The following CREB5 variants were observed in gnomAD, a reference collection of about 807,000 sequenced individuals.
CREB5 encodes the protein cAMP responsive element binding protein 5.
In CREB5, 19 loss-of-function variants were observed where a neutral mutation model predicts 57.1. The observed-to-expected ratio is 0.33, with a 90% CI of 0.23 to 0.49. CREB5 has a LOEUF of 0.49. Among genes scored for constraint, CREB5 ranks in the 20% least tolerant of loss-of-function variants. CREB5 has a pLI of 0.99. For missense variants in CREB5, 579 were observed against 671.6 expected (o/e 0.86, Z 1.52); for synonymous variants, 238 against 238.3 (o/e 1.00, Z 0.01).
At chr7:28,422,670 A>G (rs1181235151) in intron 1 of CREB5, among the ~76,000 whole-genome samples, 2 of 152,218 alleles carry the variant, frequency 1.3e-5, no homozygotes, top group South Asian at 2.1e-4. Context: ...GAATATGATC[A>G]GTTTCATGTG....
intron 7 of CREB5, among the ~76,000 whole-genome samples, chr7:28,725,648 A>T (rs1422813681): frequency 1.7e-4 from 26 of 149,832 alleles, no homozygotes; most frequent in Non-Finnish European, 2.8e-4. Context: ...CTTTTTTTAA[A>T]AAAAAAAAAA....
Position 28,491,213 on chromosome 7 carries a change from G to C in CREB5, c.75+2967G>C, listed in dbSNP as rs1475436764. Reference sequence around the variant, plus strand: ...GAAACAGTTTTTTTAAAAATTAAAGGATAGCCGAGCTGGAGTTTGTCAAGA... The same window carrying C: ...GAAACAGTTTTTTTAAAAATTAAAGCATAGCCGAGCTGGAGTTTGTCAAGA... On this transcript the variant is annotated intron_variant, in intron 2 of 10. Transcript: ENST00000357727. The C allele has an allele frequency of 3.0e-6, 3 of 985,334 alleles. No homozygotes were observed. In the African/African-American group the frequency reaches 5.2e-5, roughly 17 times the overall value. The allele number at this position is 985,334 out of a possible 1,614,324, so 61.0% of individuals were successfully genotyped here.
At chr7:28,534,522 G>T (rs115856140) in intron 4 of CREB5, among the ~76,000 whole-genome samples, 52 of 152,322 alleles carry the variant, frequency 3.4e-4, no homozygotes, top group African/African-American at 1.3e-3. Context: ...TTATTACTGA[G>T]CAAGATGACA....
intron 1 of CREB5, among the ~76,000 whole-genome samples, chr7:28,462,779 T>C (rs1371743185): frequency 2.0e-5 from 3 of 152,182 alleles, no homozygotes; most frequent in East Asian, 1.9e-4. Flanking sequence ...TTTTATTGTT[T>C]AGTTGCAAGA....
intron 7 of CREB5, among the ~76,000 whole-genome samples, chr7:28,742,164 TGAA>T (rs1046865253): frequency 3.3e-5 from 5 of 152,046 alleles, no homozygotes; most frequent in African/African-American, 1.2e-4. Flanking sequence ...TTATTACCAT[TGAA>T]ACCAGAGATG....
At chr7:28,492,616 T>C (rs1248739438) in intron 2 of CREB5, among the ~76,000 whole-genome samples, 3 of 152,026 alleles carry the variant, frequency 2.0e-5, no homozygotes. Context: ...AGAAGTATTC[T>C]GGTTCATATC....
At chr7:28,776,526 A>T (rs1583718446) in intron 7 of CREB5, among the ~76,000 whole-genome samples, 1 of 152,280 alleles carries the variant, frequency 6.6e-6, no homozygotes, top group East Asian at 1.9e-4. Context: ...GAGTTTTTTT[A>T]AACTTTCTTT....
At chr7:28,699,682 A>C (rs1421071219) in intron 5 of CREB5, among the ~76,000 whole-genome samples, 2 of 152,184 alleles carry the variant, frequency 1.3e-5, no homozygotes, top group African/African-American at 4.8e-5. Context: ...AGTTATATCA[A>C]CTTTCTGTCT....
intron 5 of CREB5, among the ~76,000 whole-genome samples, chr7:28,624,446 C>A (rs149240807): frequency 1.3e-5 from 2 of 152,034 alleles, no homozygotes; most frequent in Non-Finnish European, 2.9e-5. Context: ...AGTAATAATG[C>A]GTGTGGAAAT....
intron 1 of CREB5, among the ~76,000 whole-genome samples, chr7:28,414,239 A>G (rs569235969): frequency 6.6e-6 from 1 of 150,812 alleles, no homozygotes; most frequent in South Asian, 2.1e-4. Context: ...TCCCATCTAT[A>G]TGCTTCTTTT....
At chr7:28,619,073 T>C (rs4722826) in intron 5 of CREB5, among the ~76,000 whole-genome samples, 23,260 of 152,308 alleles carry the variant, frequency 0.15, 2,011 homozygotes, top group Admixed American at 0.22. Context: ...ATTGGGCACA[T>C]GGCCAAGTCC....
At chr7:28,603,785 T>C (rs1246120340) in intron 5 of CREB5, among the ~76,000 whole-genome samples, 2 of 152,196 alleles carry the variant, frequency 1.3e-5, no homozygotes. Flanking sequence ...AGTGGTGCTT[T>C]TAGTTTAGAA....
At chr7:28,365,689 T>A (rs1786572276) in intron 1 of CREB5, among the ~76,000 whole-genome samples, 3 of 152,152 alleles carry the variant, frequency 2.0e-5, no homozygotes, top group African/African-American at 7.2e-5. Flanking sequence ...CTACAGAAAC[T>A]GCGCTCCTCT....
At chr7:28,586,161 C>A (rs959907597) in intron 5 of CREB5, among the ~76,000 whole-genome samples, 1 of 152,148 alleles carries the variant, frequency 6.6e-6, no homozygotes, top group African/African-American at 2.4e-5. Context: ...TGAAGGGACA[C>A]CTCCAAAAGC....
At chr7:28,692,731 T>C (rs150161893) in intron 5 of CREB5, among the ~76,000 whole-genome samples, 10 of 152,224 alleles carry the variant, frequency 6.6e-5, no homozygotes, top group African/African-American at 1.7e-4. Context: ...ATCGCACCAC[T>C]GCACAACAGC....
chr7:28,691,988 G>A (rs2128730984), intron 5 of CREB5, among the ~76,000 whole-genome samples: 1 of 143,474 alleles, frequency 7.0e-6, no homozygotes, highest in South Asian at 2.2e-4. Flanking sequence ...AGGCAACACG[G>A]TGAAACCCCC....
chr7:28,802,091 A>G (rs1033460666), intron 7 of CREB5, among the ~76,000 whole-genome samples: 6 of 148,820 alleles, frequency 4.0e-5, no homozygotes, highest in African/African-American at 1.2e-4. Flanking sequence ...AAAAAAAAAA[A>G]AAAAAAAAAA....
rs1037760068 is a variant in CREB5, at chr7:28,819,521, T to C, written c.*242T>C. On this transcript the variant is annotated 3_prime_UTR_variant, in exon 11 of 11. Transcript: ENST00000357727. Reference sequence around the variant, plus strand: ...GCTTTGGTGCTTTTCTCCAGTTTTCTGGTACCAGTTACTTGTTTATAAACT... The same window carrying C: ...GCTTTGGTGCTTTTCTCCAGTTTTCCGGTACCAGTTACTTGTTTATAAACT... The C allele has an allele frequency of 3.6e-5, 16 of 443,208 alleles. 1 individual carries two copies. The Admixed American group carries it at 6.1e-4, about 17-fold the overall frequency. 27.5% of individuals were successfully genotyped at this position (443,208 alleles called of 1,614,324 possible).
At chr7:28,719,360 G>T (rs1802886506) in intron 6 of CREB5, among the ~76,000 whole-genome samples, 1 of 152,232 alleles carries the variant, frequency 6.6e-6, no homozygotes, top group Non-Finnish European at 1.5e-5. Flanking sequence ...TTTATTGAGT[G>T]TTTACTGTAT....
Sources: gnomAD v4.1 joint callset for allele counts (sites outside exome capture counted in the v4.1 genomes callset) on GRCh38, gnomAD v4.1.1 for gene constraint, MANE v1.5 for transcripts, NCBI Gene and HGNC (gene_info 2026-07-23, HGNC 2026-07-21) for gene names.